Variants in TENM2 observed in about 807,000 individuals in gnomAD.
The protein encoded by TENM2 is teneurin transmembrane protein 2.
TENM2 carries 52 observed loss-of-function variants against 245.2 expected under a neutral mutation model. That is an observed-to-expected ratio of 0.21 (90% CI 0.17 to 0.27). The LOEUF (loss-of-function observed/expected upper bound fraction) is 0.27. TENM2 is among the 10% of genes least tolerant of loss of function. TENM2 has a pLI of 1.00. For missense variants in TENM2, 3,046 were observed against 3,666.8 expected (o/e 0.83, Z 4.37); for synonymous variants, 1,363 against 1,438.9 (o/e 0.95, Z 1.19).
At chr5:167,267,550 A>G in the TENM2 span, among the ~76,000 whole-genome samples, 1 of 152,176 alleles carries the variant, frequency 6.6e-6, no homozygotes, top group Non-Finnish European at 1.5e-5. Flanking sequence ...CAGGCAGTTC[A>G]TCACAACTGT....
chr5:167,624,837 T>C (rs988081580), intron 2 of TENM2, among the ~76,000 whole-genome samples: 1 of 152,154 alleles, frequency 6.6e-6, no homozygotes, highest in African/African-American at 2.4e-5. Flanking sequence ...ATATAATCTA[T>C]AATATGTTTA....
chr5:167,470,998 G>C (rs1430321873), intron 2 of TENM2, among the ~76,000 whole-genome samples: 2 of 152,118 alleles, frequency 1.3e-5, no homozygotes, highest in Non-Finnish European at 2.9e-5. Flanking sequence ...TTTTAAATCA[G>C]TCTTTAGAAT....
At chr5:167,026,354 T>C in the TENM2 span, among the ~76,000 whole-genome samples, 1 of 152,218 alleles carries the variant, frequency 6.6e-6, no homozygotes, top group African/African-American at 2.4e-5. Flanking sequence ...CGTTTCCACA[T>C]AGTGGTAATC....
At chr5:167,997,520 T>TG (rs1328006193) in intron 5 of TENM2, among the ~76,000 whole-genome samples, 2 of 152,174 alleles carry the variant, frequency 1.3e-5, no homozygotes, top group African/African-American at 2.4e-5. Context: ...TGCAAAAAGT[T>TG]GGAGACTAAA....
intron 27 of TENM2, among the ~76,000 whole-genome samples, chr5:168,254,970 C>T (rs1767515776): frequency 6.6e-6 from 1 of 151,800 alleles, no homozygotes; most frequent in Non-Finnish European, 1.5e-5. Flanking sequence ...TCTCTTGAAC[C>T]TGGGAGGCAG....
At chr5:167,776,600 A>AAAAAAAAAAAG (rs1763804514) in intron 2 of TENM2, among the ~76,000 whole-genome samples, 1 of 85,748 alleles carries the variant, frequency 1.2e-5, no homozygotes, top group Non-Finnish European at 2.1e-5. Context: ...TCTGAAAAAA[A>AAAAAAAAAAAG]AAAAAAAAAA....
At chr5:167,087,961 T>C in the TENM2 span, among the ~76,000 whole-genome samples, 1 of 152,228 alleles carries the variant, frequency 6.6e-6, no homozygotes, top group South Asian at 2.1e-4. Context: ...GGCTAATTTT[T>C]GTATTTTTAG....
chr5:168,052,927 A>C (rs1279467303), intron 6 of TENM2, among the ~76,000 whole-genome samples: 2 of 152,176 alleles, frequency 1.3e-5, no homozygotes, highest in Non-Finnish European at 2.9e-5. Context: ...TTCAGCAGAA[A>C]CTTCATAATG....
At chr5:167,316,362 A>G (rs1238984494) in intron 1 of TENM2, among the ~76,000 whole-genome samples, 1 of 152,200 alleles carries the variant, frequency 6.6e-6, no homozygotes, top group Non-Finnish European at 1.5e-5. Context: ...CTACAAATCA[A>G]TGACCATTCC....
At chr5:167,519,852 A>G (rs180836785) in intron 2 of TENM2, among the ~76,000 whole-genome samples, 1 of 152,122 alleles carries the variant, frequency 6.6e-6, no homozygotes, top group Non-Finnish European at 1.5e-5. Flanking sequence ...TTATATTGGC[A>G]CTCCAAGAAC....
At chr5:167,151,732 C>T in the TENM2 span, among the ~76,000 whole-genome samples, 15 of 152,198 alleles carry the variant, frequency 9.9e-5, no homozygotes, top group Non-Finnish European at 1.6e-4. Flanking sequence ...TTGGCCACGA[C>T]GGTCTTGATC....
chr5:167,605,774 A>C (rs1456278761), intron 2 of TENM2, among the ~76,000 whole-genome samples: 1 of 152,174 alleles, frequency 6.6e-6, no homozygotes, highest in African/African-American at 2.4e-5. Flanking sequence ...ACTGTTTCTC[A>C]TAGATTATAG....
In TENM2 at chr5:167,339,323, A is replaced by C. The variant is rs139608306; in HGVS notation, c.227-35875A>C. 2.6e-3 allele frequency among the ~76,000 whole-genome samples: 398 copies of C among 152,318 alleles called. 1 individual carries two copies. Among genetic ancestry groups the C allele is most frequent in the Non-Finnish European group, 3.5e-3 (240 of 68,024 alleles). On this transcript the variant is annotated intron_variant, in intron 1 of 28. Coordinates refer to ENST00000518659, the Ensembl canonical transcript of TENM2. ...TTCCAAAAGGAAGAAATGATAAAGA[A>C]GGAAGGGCTGACAGATCTCTGTCCT...
intron 2 of TENM2, among the ~76,000 whole-genome samples, chr5:167,416,677 C>CTGTTTT (rs61393561): frequency 0.72 from 107,533 of 149,828 alleles, 38,721 homozygotes; most frequent in African/African-American, 0.75. Flanking sequence ...TACTCTCTTG[C>CTGTTTT]TGTTTTTGTT....
chr5:168,217,291 A>G (rs1763281811), intron 22 of TENM2, among the ~76,000 whole-genome samples: 1 of 152,172 alleles, frequency 6.6e-6, no homozygotes, highest in African/African-American at 2.4e-5. Context: ...CTTCCCCTTT[A>G]ATCTGAAATG....
chr5:167,538,028 G>A (rs1034675688), intron 2 of TENM2, among the ~76,000 whole-genome samples: 7 of 152,200 alleles, frequency 4.6e-5, no homozygotes, highest in Non-Finnish European at 8.8e-5. Flanking sequence ...GGATAATGAG[G>A]AGTTTCTAAT....
chr5:168,038,597 CA>C, intron 5 of TENM2, among the ~76,000 whole-genome samples: 1 of 152,298 alleles, frequency 6.6e-6, no homozygotes, highest in East Asian at 1.9e-4. Flanking sequence ...CAGTACGTTA[CA>C]AAAATGTTAG....
At chr5:167,429,577 C>T (rs1764078632) in intron 2 of TENM2, among the ~76,000 whole-genome samples, 2 of 147,046 alleles carry the variant, frequency 1.4e-5, no homozygotes, top group South Asian at 4.4e-4. Flanking sequence ...TCAGGAAGGT[C>T]AGGGAAATTC....
At chr5:167,865,002 A>G (rs1310295438) in intron 2 of TENM2, among the ~76,000 whole-genome samples, 1 of 152,196 alleles carries the variant, frequency 6.6e-6, no homozygotes, top group Non-Finnish European at 1.5e-5. Flanking sequence ...TTGTTTCGGC[A>G]TCGGCATACA....
Sources: gnomAD v4.1 joint callset for allele counts (sites outside exome capture counted in the v4.1 genomes callset) on GRCh38, gnomAD v4.1.1 for gene constraint, MANE v1.5 for transcripts, NCBI Gene and HGNC (gene_info 2026-07-23, HGNC 2026-07-21) for gene names.